Variants in FGF13 observed in about 807,000 individuals in gnomAD.
The protein encoded by FGF13 is fibroblast growth factor homologous factor 2.
In FGF13, 2 loss-of-function variants were observed where a neutral mutation model predicts 19.5. That is an observed-to-expected ratio of 0.10 (90% CI 0.04 to 0.32). FGF13 has a LOEUF of 0.32. Ranked by LOEUF, FGF13 falls within the 10% of genes least tolerant of loss-of-function variation. The pLI is 1.00. For missense variants in FGF13, 113 were observed against 192.7 expected, an observed-to-expected ratio of 0.59 and a Z score of 2.45; for synonymous variants, 72 against 76.9, an observed-to-expected ratio of 0.94 and a Z score of 0.33.
chrX:138,812,641 A>T (rs2090934571), intron 3 of FGF13, among the ~76,000 whole-genome samples: 2 of 111,583 alleles, frequency 1.8e-5, no homozygotes, highest in African/African-American at 6.5e-5. Context: ...TATGTAGAAA[A>T]GTTGGGAAAT....
intron 3 of FGF13, among the ~76,000 whole-genome samples, chrX:138,850,326 A>G (rs958320028): frequency 1.3e-4 from 15 of 111,521 alleles, no homozygotes; most frequent in African/African-American, 4.6e-4. Context: ...ATATGACTTC[A>G]TTTTGTGTTT....
At chrX:138,777,585 G>T (rs770980622) in intron 3 of FGF13, among the ~76,000 whole-genome samples, 2 of 111,970 alleles carry the variant, frequency 1.8e-5, no homozygotes, top group Admixed American at 9.5e-5. Flanking sequence ...ACCAAGGAAG[G>T]TTCTTTATTT....
At chrX:138,930,362 A>C (rs2091695826) in intron 1 of FGF13, among the ~76,000 whole-genome samples, 1 of 112,338 alleles carries the variant, frequency 8.9e-6, no homozygotes. Context: ...AGCAAAGTTT[A>C]GATTGTAAGG....
At chrX:139,054,673 C>G (rs1458683937) in intron 1 of FGF13, among the ~76,000 whole-genome samples, 1 of 111,798 alleles carries the variant, frequency 8.9e-6, no homozygotes, top group East Asian at 2.8e-4. Flanking sequence ...GCAGTGTGGT[C>G]ATTTAAACAA....
intron 1 of FGF13, among the ~76,000 whole-genome samples, chrX:138,917,131 T>C (rs1056297732): frequency 8.9e-6 from 1 of 111,878 alleles, no homozygotes; most frequent in African/African-American, 3.2e-5. Context: ...AATTACTAAG[T>C]GGCCTAACAC....
intron 1 of FGF13, among the ~76,000 whole-genome samples, chrX:138,874,103 T>C (rs755520939): frequency 1.2e-4 from 13 of 105,194 alleles, no homozygotes; most frequent in African/African-American, 4.5e-4. Flanking sequence ...TGTATACATA[T>C]GTAACAAACC....
At chrX:138,703,648 C>A (rs1299049174) in intron 2 of FGF13, among the ~76,000 whole-genome samples, 5 of 112,285 alleles carry the variant, frequency 4.5e-5, no homozygotes, top group Admixed American at 9.4e-5. Context: ...ACAAGAACTC[C>A]AAAATAAATT....
chrX:139,095,886 G>A (rs1264873275), intron 1 of FGF13, among the ~76,000 whole-genome samples: 1 of 111,740 alleles, frequency 8.9e-6, no homozygotes, highest in East Asian at 2.8e-4. Flanking sequence ...GCAATGCCAG[G>A]GAGGGCCTCC....
chrX:138,817,469 G>C (rs2090969020), intron 3 of FGF13, among the ~76,000 whole-genome samples: 1 of 112,206 alleles, frequency 8.9e-6, no homozygotes, highest in Admixed American at 9.5e-5. Flanking sequence ...TATGGATGTT[G>C]CTGTCACTCC....
At chrX:138,956,380 A>C (rs2091841481) in intron 1 of FGF13, among the ~76,000 whole-genome samples, 1 of 111,423 alleles carries the variant, frequency 9.0e-6, no homozygotes, top group East Asian at 2.8e-4. Context: ...TGTTGCTCAA[A>C]TGGGGGTGAT....
At chrX:138,963,201 C>T (rs944326893) in intron 1 of FGF13, among the ~76,000 whole-genome samples, 1 of 112,925 alleles carries the variant, frequency 8.9e-6, no homozygotes, top group Non-Finnish European at 1.9e-5. Flanking sequence ...ACTTCTTGAG[C>T]ATCTGTTAGA....
chrX:138,677,879 C>T (rs1393212350), intron 3 of FGF13, among the ~76,000 whole-genome samples: 1 of 111,690 alleles, frequency 9.0e-6, no homozygotes. Context: ...CACATGCACA[C>T]GTACGTTTAT....
intron 1 of FGF13, among the ~76,000 whole-genome samples, chrX:139,043,120 C>A (rs1456629719): frequency 1.8e-5 from 2 of 111,259 alleles, no homozygotes; most frequent in Admixed American, 1.9e-4. Flanking sequence ...GCTTTATACC[C>A]ACGTGTGACT....
At chrX:138,667,581 G>A in intron 3 of FGF13, 14 of 324,742 alleles carry the variant, frequency 4.3e-5, no homozygotes, top group South Asian at 3.8e-4. Flanking sequence ...AGACTTATCA[G>A]GATTGAGTTT....
chrX:138,778,100 G>A lies in FGF13; in HGVS notation c.218-69172C>T, dbSNP rs189026736. Among the ~76,000 whole-genome samples, 332 of 111,453 alleles carry A rather than the reference G, an allele frequency of 3.0e-3. 2 individuals carry two copies. The highest frequency in any genetic ancestry group is 0.025 in the Admixed American group (264 of 10,488). ...CCGGTCTACAGCTCCCAGCCTGAGC[G>A]ACGCAGAAGACAGGTGATTTCTGCA... On this transcript the variant is annotated intron_variant, in intron 3 of 6. Coordinates refer to the FGF13 transcript ENST00000436198.
In FGF13 at chrX:138,629,841, C is replaced by G. The variant is rs902320077; in HGVS notation, c.*3009G>C. ...AACTCTGAAGGTGAAGTCCAGTGAT[C>G]TGAGTCTTACAAGCCTTCCAGGTGA... On this transcript the variant is annotated 3_prime_UTR_variant, in exon 5 of 5. Transcript: ENST00000315930. 8.9e-6 allele frequency: 1 copy of G among 111,756 alleles called. No homozygotes were observed. The highest frequency in any genetic ancestry group is 3.3e-5 in the African/African-American group (1 of 30,679). 9.2% of individuals were successfully genotyped at this position (111,756 alleles called of 1,213,427 possible). A position where few individuals can be genotyped will look rare whatever the true frequency, so the allele number is the denominator to read the frequency against.
chrX:138,779,104 CCTGT>C lies in FGF13; in HGVS notation c.218-70180_218-70177del, dbSNP rs756377110. ...CTCCAACAGACCTGCAGCTGAGGTT[CCTGT>C]CTGTTAGAAGGAAAACTAACAAACA... On this transcript the variant is annotated intron_variant, in intron 3 of 6. Transcript: ENST00000436198. 5.6e-3 allele frequency among the ~76,000 whole-genome samples: 629 copies of C among 111,678 alleles called. 3 individuals are homozygous for C. Among genetic ancestry groups the C allele is most frequent in the Middle Eastern group, 0.032 (7 of 217 alleles).
intron 1 of FGF13, among the ~76,000 whole-genome samples, chrX:139,064,169 G>A (rs2124424956): frequency 9.5e-6 from 1 of 105,180 alleles, no homozygotes; most frequent in South Asian, 4.4e-4. Flanking sequence ...AAATTTTTAA[G>A]TTAATATTTG....
intron 1 of FGF13, among the ~76,000 whole-genome samples, chrX:138,734,016 C>G (rs961426231): frequency 9.0e-6 from 1 of 110,608 alleles, no homozygotes; most frequent in African/African-American, 3.3e-5. Context: ...CATGATGTGA[C>G]TTGGGGGAAA....
Sources: gnomAD v4.1 joint callset for allele counts (sites outside exome capture counted in the v4.1 genomes callset) on GRCh38, gnomAD v4.1.1 for gene constraint, MANE v1.5 for transcripts, NCBI Gene and HGNC (gene_info 2026-07-23, HGNC 2026-07-21) for gene names.